MACROD2: variants seen among roughly 807,000 people sequenced by gnomAD.
The protein encoded by MACROD2 is ADP-ribose glycohydrolase MACROD2.
MACROD2 carries 36 observed loss-of-function variants against 70.4 expected under a neutral mutation model. The ratio of observed to expected loss-of-function variants is 0.51; its 90% CI spans 0.39 to 0.68. The LOEUF (loss-of-function observed/expected upper bound fraction) is 0.68. Ranked by LOEUF, MACROD2 falls within the 30% of genes least tolerant of loss-of-function variation. The pLI is 0.00. For synonymous variants in MACROD2, 172 were observed against 178.8 expected (o/e 0.96, Z 0.30); for missense variants, 496 against 538.4 (o/e 0.92, Z 0.78).
intron 6 of MACROD2, among the ~76,000 whole-genome samples, chr20:15,312,084 G>T (rs1037330745): frequency 1.3e-5 from 2 of 152,116 alleles, no homozygotes; most frequent in Non-Finnish European, 2.9e-5. Flanking sequence ...TGAAAAACAT[G>T]CATCATAGAA....
chr20:15,894,870 T>C (rs1018561830), intron 10 of MACROD2, among the ~76,000 whole-genome samples: 7 of 152,234 alleles, frequency 4.6e-5, no homozygotes, highest in African/African-American at 1.4e-4. Context: ...ATGTTAAGCT[T>C]TGTTACTGCC....
chr20:14,948,889 T>C (rs138289769), intron 5 of MACROD2, among the ~76,000 whole-genome samples: 50 of 152,310 alleles, frequency 3.3e-4, no homozygotes, highest in African/African-American at 1.0e-3. Flanking sequence ...CCCTGCCTTT[T>C]AGGAGCCTGC....
chr20:14,113,482 T>G (rs1013153791), intron 3 of MACROD2, among the ~76,000 whole-genome samples: 1 of 152,070 alleles, frequency 6.6e-6, no homozygotes, highest in Non-Finnish European at 1.5e-5. Context: ...ATGTATAGGC[T>G]TAGCTACATC....
At chr20:14,901,781 C>G (rs1167053160) in intron 5 of MACROD2, among the ~76,000 whole-genome samples, 1 of 152,102 alleles carries the variant, frequency 6.6e-6, no homozygotes, top group Non-Finnish European at 1.5e-5. Flanking sequence ...GTTTCTCTAG[C>G]CTCATTTGCC....
At chr20:15,047,520 G>A (rs1435472009) in intron 5 of MACROD2, among the ~76,000 whole-genome samples, 2 of 152,178 alleles carry the variant, frequency 1.3e-5, no homozygotes, top group Non-Finnish European at 2.9e-5. Context: ...TTAAATGAAA[G>A]TGTTATTCTA....
intron 6 of MACROD2, among the ~76,000 whole-genome samples, chr20:15,396,901 A>G (rs1049424738): frequency 6.6e-6 from 1 of 152,194 alleles, no homozygotes; most frequent in Admixed American, 6.5e-5. Context: ...GCAAACCCAC[A>G]TGAGTTGTTC....
chr20:14,684,157 G>A (rs1340253859), intron 4 of MACROD2, among the ~76,000 whole-genome samples: 1 of 152,156 alleles, frequency 6.6e-6, no homozygotes, highest in Non-Finnish European at 1.5e-5. Context: ...TTCTGCTTCA[G>A]GCCGTGCCAA....
intron 5 of MACROD2, among the ~76,000 whole-genome samples, chr20:15,086,970 C>T (rs2075753592): frequency 6.6e-6 from 1 of 152,056 alleles, no homozygotes; most frequent in African/African-American, 2.4e-5. Flanking sequence ...AATTCCTGAC[C>T]TATCAGTGGA....
chr20:15,662,798 A>G (rs138240642), intron 8 of MACROD2, among the ~76,000 whole-genome samples: 245 of 151,952 alleles, frequency 1.6e-3, no homozygotes, highest in Middle Eastern at 3.4e-3. Context: ...ATATTTTCAT[A>G]TAAAAATATG....
intron 8 of MACROD2, among the ~76,000 whole-genome samples, chr20:15,760,335 C>T (rs143368287): frequency 1.0e-3 from 153 of 152,316 alleles, no homozygotes; most frequent in East Asian, 3.3e-3. Context: ...GCCAGGTGGG[C>T]TTTACCAGAT....
intron 3 of MACROD2, among the ~76,000 whole-genome samples, chr20:14,186,585 C>A (rs2081345966): frequency 6.6e-6 from 1 of 152,146 alleles, no homozygotes; most frequent in Non-Finnish European, 1.5e-5. Flanking sequence ...ACCCAGCAAT[C>A]CCATTACTGG....
At chr20:14,851,787 A>C (rs576270335) in intron 5 of MACROD2, among the ~76,000 whole-genome samples, 6 of 152,296 alleles carry the variant, frequency 3.9e-5, no homozygotes, top group African/African-American at 1.2e-4. Flanking sequence ...CTATTTGAAG[A>C]GATAATTATT....
At chr20:15,676,784 ATTTTAAATGCCGCAGAT>A (rs2050063122) in intron 8 of MACROD2, among the ~76,000 whole-genome samples, 1 of 152,192 alleles carries the variant, frequency 6.6e-6, no homozygotes, top group African/African-American at 2.4e-5. Context: ...TAAGTTTATA[ATTTTAAATGCCGCAGAT>A]CTTACTTATT....
intron 3 of MACROD2, among the ~76,000 whole-genome samples, chr20:14,217,568 GT>G (rs1360441492): frequency 6.6e-6 from 1 of 152,044 alleles, no homozygotes; most frequent in Non-Finnish European, 1.5e-5. Context: ...TTGTGGAATA[GT>G]TTCAAAAGGA....
chr20:14,940,148 CAAAAAAAAAAAA>C (rs57697517), intron 5 of MACROD2, among the ~76,000 whole-genome samples: 4,018 of 55,210 alleles, frequency 0.073, 265 homozygotes, highest in African/African-American at 0.18. Context: ...CTCATCTCTG[CAAAAAAAAAAAA>C]AAAAAAAAAA....
At chr20:14,066,008 AGT>A (rs1345196623) in intron 2 of MACROD2, among the ~76,000 whole-genome samples, 1 of 152,182 alleles carries the variant, frequency 6.6e-6, no homozygotes, top group Non-Finnish European at 1.5e-5. Flanking sequence ...TTATCCATAG[AGT>A]TCAAAGGTCT....
chr20:14,570,169 G>A (rs1447297722), intron 4 of MACROD2, among the ~76,000 whole-genome samples: 2 of 152,030 alleles, frequency 1.3e-5, no homozygotes, highest in Non-Finnish European at 2.9e-5. Context: ...CAGAAAAAAG[G>A]ATGAGACAAC....
intron 4 of MACROD2, among the ~76,000 whole-genome samples, chr20:14,540,500 G>A (rs887253015): frequency 1.3e-5 from 2 of 152,054 alleles, no homozygotes; most frequent in Non-Finnish European, 2.9e-5. Context: ...TTCAGAATGT[G>A]GTATATTTCT....
intron 12 of MACROD2, among the ~76,000 whole-genome samples, 194 bp from the exon 13 acceptor site, chr20:15,967,359 T>C (rs545938799): frequency 6.6e-6 from 1 of 152,268 alleles, no homozygotes; most frequent in South Asian, 2.1e-4. Flanking sequence ...TTTGTAAGCT[T>C]TGAGCAGATA....
Sources: allele counts gnomAD v4.1 joint callset (sites outside exome capture counted in the v4.1 genomes callset), GRCh38; gene constraint gnomAD v4.1.1; transcripts MANE v1.5; gene names NCBI Gene and HGNC (gene_info 2026-07-23, HGNC 2026-07-21).